The following HDAC8 variants were observed in gnomAD, a reference collection of about 807,000 sequenced individuals.
HDAC8 encodes histone deacetylase 8.
HDAC8 carries 1 observed loss-of-function variant against 32.2 expected under a neutral mutation model. That is an observed-to-expected ratio of 0.03 (90% CI 0.01 to 0.15). HDAC8 has a LOEUF of 0.15. HDAC8 is among the 10% of genes least tolerant of loss of function. HDAC8 has a pLI of 1.00. For missense variants in HDAC8, 117 were observed against 300.0 expected, an observed-to-expected ratio of 0.39 and a Z score of 4.51; for synonymous variants, 108 against 113.9, an observed-to-expected ratio of 0.95 and a Z score of 0.33.
At chrX:72,379,547 G>A (rs1249583451) in intron 9 of HDAC8, among the ~76,000 whole-genome samples, 1 of 97,942 alleles carries the variant, frequency 1.0e-5, no homozygotes, top group Admixed American at 1.1e-4. Flanking sequence ...ACCCAGGCTG[G>A]AGTGCAGTGG....
intron 9 of HDAC8, among the ~76,000 whole-genome samples, chrX:72,368,430 C>G (rs1210000784): frequency 1.9e-5 from 2 of 106,544 alleles, no homozygotes; most frequent in African/African-American, 6.9e-5. Context: ...GATCTCGGCT[C>G]ACTGCAACCT....
chrX:72,572,267 T>C (rs782557724), intron 1 of HDAC8, among the ~76,000 whole-genome samples, 158 bp from the exon 2 acceptor site: 6 of 112,171 alleles, frequency 5.3e-5, no homozygotes, highest in African/African-American at 1.9e-4. Context: ...CAATACACTT[T>C]AGACAATACA....
intron 1 of HDAC8, chrX:72,572,380 C>G (rs1201856194): frequency 9.3e-5 from 39 of 417,665 alleles, no homozygotes; most frequent in Non-Finnish European, 1.5e-4. Context: ...TCAGCGGTCC[C>G]CTATGAGTGG....
At chrX:72,338,552 G>A (rs1162810077) in intron 10 of HDAC8, among the ~76,000 whole-genome samples, 1 of 106,470 alleles carries the variant, frequency 9.4e-6, no homozygotes, top group Non-Finnish European at 1.9e-5. Flanking sequence ...TAGGACTGTT[G>A]AAAAATGTTT....
intron 7 of HDAC8, chrX:72,467,743 C>T: frequency 5.3e-6 from 2 of 379,893 alleles, no homozygotes; most frequent in South Asian, 5.3e-5. Flanking sequence ...GTAGGATACC[C>T]TGAAGGTTGA....
At chrX:72,540,423 G>C (rs1171344360) in intron 4 of HDAC8, among the ~76,000 whole-genome samples, 1 of 112,077 alleles carries the variant, frequency 8.9e-6, no homozygotes, top group Non-Finnish European at 1.9e-5. Flanking sequence ...AAACAGTTTA[G>C]ATGAACATAG....
intron 9 of HDAC8, among the ~76,000 whole-genome samples, chrX:72,406,755 A>G (rs1379596932): frequency 1.8e-5 from 2 of 112,648 alleles, no homozygotes; most frequent in Non-Finnish European, 3.7e-5. Context: ...CACTAGTCAC[A>G]TGTGGCTATT....
chrX:72,379,014 C>T (rs1290021807), intron 9 of HDAC8, among the ~76,000 whole-genome samples: 3 of 110,503 alleles, frequency 2.7e-5, no homozygotes, highest in African/African-American at 6.6e-5. Flanking sequence ...CCCACCACCA[C>T]GCCTGGCTAA....
chrX:72,409,789 G>A (rs782332626), intron 9 of HDAC8, among the ~76,000 whole-genome samples: 4 of 112,006 alleles, frequency 3.6e-5, no homozygotes, highest in African/African-American at 1.3e-4. Context: ...AACACTTCAT[G>A]CAATGCATTG....
At chrX:72,520,071 T>C (rs1391314120) in intron 4 of HDAC8, among the ~76,000 whole-genome samples, 2 of 112,363 alleles carry the variant, frequency 1.8e-5, no homozygotes, top group Non-Finnish European at 3.8e-5. Context: ...TTTTCAAAGA[T>C]TGTCTTTTGA....
At chrX:72,350,795 C>T (rs911865020) in intron 10 of HDAC8, among the ~76,000 whole-genome samples, 3 of 112,105 alleles carry the variant, frequency 2.7e-5, no homozygotes, top group Non-Finnish European at 5.6e-5. Flanking sequence ...ACAGTGGGAT[C>T]AGGAGGGAAA....
At position 72,351,733 on chromosome X, in the gene HDAC8, C is replaced by T; in HGVS notation, c.1111G>A (p.Gly371Arg). ...RIQQILNYIK[G>R]NLKHVV ...GCAGGCCTCGAGGGGCGGTGCTCAC[C>T]TTTGATGTAGTTGAGGATTTGTTGG... The change falls in exon 10 of 11, where the codon GGG becomes AGG. Residue 371 changes from glycine (G) to arginine (R), a missense_variant and splice_region_variant. Gly to Arg is a moderately radical substitution (Grantham distance 125). This residue lies in a region of HDAC8 where 18 missense variants were observed against 25.7 expected (regional missense o/e 0.70). Transcript: ENST00000373573. 1 of 1,201,593 alleles carries T rather than the reference C, an allele frequency of 8.3e-7. No individual in the cohort carries two copies. Among genetic ancestry groups the T allele is most frequent in the South Asian group, 1.8e-5 (1 of 56,571 alleles).
At position 72,360,956 on chromosome X, in the gene HDAC8, C is replaced by T. The variant is rs1043791083; in HGVS notation, c.1006-9118G>A. 9.8e-5 allele frequency among the ~76,000 whole-genome samples: 11 copies of T among 111,859 alleles called. 1 individual carries two copies. In the Admixed American group the frequency reaches 1.0e-3, roughly 11 times the overall value. On this transcript the variant is annotated intron_variant, in intron 9 of 10. Coordinates refer to ENST00000373573, the MANE Select transcript of HDAC8 (RefSeq NM_018486.3). ...TGAATTGAACTGGCAGGAAGCAGCACATCAAAAGCGCTTGTGAGCAGGCAG... is the reference window on the plus strand; with the variant it reads ...TGAATTGAACTGGCAGGAAGCAGCATATCAAAAGCGCTTGTGAGCAGGCAG...
At chrX:72,420,051 T>A (rs1388505727) in intron 9 of HDAC8, among the ~76,000 whole-genome samples, 6 of 111,804 alleles carry the variant, frequency 5.4e-5, no homozygotes, top group African/African-American at 1.6e-4. Flanking sequence ...ATAAGATACA[T>A]TGCACTGTAA....
At chrX:72,416,479 A>ATTTTTTTTTTTTTTTTTTT (rs2046347258) in intron 9 of HDAC8, among the ~76,000 whole-genome samples, 1 of 35,211 alleles carries the variant, frequency 2.8e-5, no homozygotes, top group Admixed American at 4.2e-4. Flanking sequence ...AATTTTTTTC[A>ATTTTTTTTTTTTTTTTTTT]TGTTTTTGAA....
intron 4 of HDAC8, among the ~76,000 whole-genome samples, chrX:72,497,117 C>A (rs143074358): frequency 3.1e-3 from 341 of 111,496 alleles, no homozygotes; most frequent in Non-Finnish European, 4.9e-3. Flanking sequence ...CAGGTGGCCC[C>A]CTTCCTTTTC....
intron 10 of HDAC8, among the ~76,000 whole-genome samples, chrX:72,349,176 C>T (rs937893281): frequency 8.9e-6 from 1 of 112,531 alleles, no homozygotes; most frequent in Non-Finnish European, 1.9e-5. Flanking sequence ...GCCCTTTGCA[C>T]TGTGACAGAT....
intron 9 of HDAC8, among the ~76,000 whole-genome samples, chrX:72,449,497 G>A (rs1420480252): frequency 9.1e-6 from 1 of 110,013 alleles, no homozygotes; most frequent in African/African-American, 3.3e-5. Flanking sequence ...TGATGGGTGC[G>A]GCAACCACCA....
At chrX:72,458,164 A>G (rs1555990345) in intron 9 of HDAC8, among the ~76,000 whole-genome samples, 1 of 112,057 alleles carries the variant, frequency 8.9e-6, no homozygotes, top group African/African-American at 3.2e-5. Flanking sequence ...GGCTTTCCCT[A>G]TGGTAGAGAT....
Sources: gnomAD v4.1 joint callset for allele counts (sites outside exome capture counted in the v4.1 genomes callset) on GRCh38, gnomAD v4.1.1 for gene constraint, gnomAD v4.1.1 regional missense constraint, MANE v1.5 for transcripts, NCBI Gene and HGNC (gene_info 2026-07-23, HGNC 2026-07-21) for gene names.